The following EBF2 variants were observed in gnomAD, a reference collection of about 807,000 sequenced individuals.
EBF2 encodes the protein EBF transcription factor 2, also known as transcription factor COE2.
EBF2 carries 21 observed loss-of-function variants against 72.8 expected under a neutral mutation model. That is an observed-to-expected ratio of 0.29 (90% CI 0.20 to 0.42). EBF2 has a LOEUF of 0.42. Ranked by LOEUF, EBF2 falls within the 10% of genes least tolerant of loss-of-function variation. The probability of loss-of-function intolerance (pLI) is 1.00; values close to 1 mark genes in which losing one functional copy is unlikely to be tolerated. For missense variants in EBF2, 637 were observed against 731.2 expected, an observed-to-expected ratio of 0.87 and a Z score of 1.49; for synonymous variants, 299 against 274.2, an observed-to-expected ratio of 1.09 and a Z score of -0.89.
At chr8:25,938,695 C>A (rs1168277589) in intron 6 of EBF2, among the ~76,000 whole-genome samples, 1 of 152,078 alleles carries the variant, frequency 6.6e-6, no homozygotes, top group Non-Finnish European at 1.5e-5. Context: ...ATACTCTGCT[C>A]AGGGATGCAG....
intron 6 of EBF2, among the ~76,000 whole-genome samples, chr8:25,910,891 G>T (rs1412973840): frequency 6.6e-6 from 1 of 152,104 alleles, no homozygotes; most frequent in Non-Finnish European, 1.5e-5. Context: ...TCTAAAAGAA[G>T]GTATTGCTAC....
At chr8:26,011,556 C>CT (rs772902561) in intron 6 of EBF2, among the ~76,000 whole-genome samples, 86 of 151,994 alleles carry the variant, frequency 5.7e-4, no homozygotes, top group Non-Finnish European at 1.0e-3. Context: ...CAACCAGGAC[C>CT]ATGCCACAAT....
chr8:25,944,137 A>G (rs1042097458), intron 6 of EBF2, among the ~76,000 whole-genome samples: 13 of 152,212 alleles, frequency 8.5e-5, no homozygotes, highest in Non-Finnish European at 1.5e-4. Context: ...TTGGTACTCT[A>G]CGGAGATAAG....
chr8:25,943,193 G>C (rs565917711), intron 6 of EBF2, among the ~76,000 whole-genome samples: 4 of 151,832 alleles, frequency 2.6e-5, no homozygotes, highest in Admixed American at 6.6e-5. Flanking sequence ...AAGGCCAGGC[G>C]GGATGGCTCA....
chr8:25,979,392 C>A (rs1804322531), intron 6 of EBF2, among the ~76,000 whole-genome samples: 1 of 152,214 alleles, frequency 6.6e-6, no homozygotes, highest in South Asian at 2.1e-4. Context: ...TGTGTCATGC[C>A]ACACGGCATT....
intron 6 of EBF2, among the ~76,000 whole-genome samples, chr8:25,979,295 C>T (rs751940911): frequency 6.0e-4 from 91 of 152,364 alleles, no homozygotes; most frequent in Non-Finnish European, 1.1e-3. Flanking sequence ...GGGAACTGCA[C>T]GCTGGGCTAA....
At chr8:25,928,990 C>T (rs1050685284) in intron 6 of EBF2, among the ~76,000 whole-genome samples, 2 of 152,112 alleles carry the variant, frequency 1.3e-5, no homozygotes, top group South Asian at 2.1e-4. Flanking sequence ...AGTGAGATGC[C>T]TCTATCTCCA....
intron 6 of EBF2, among the ~76,000 whole-genome samples, chr8:25,983,685 C>T (rs957261353): frequency 6.6e-6 from 1 of 152,230 alleles, no homozygotes; most frequent in Admixed American, 6.5e-5. Flanking sequence ...CAGCACAACC[C>T]CGGGCTCTAG....
intron 14 of EBF2, among the ~76,000 whole-genome samples, chr8:25,851,979 A>T (rs1048212126): frequency 9.9e-5 from 15 of 152,208 alleles, no homozygotes; most frequent in Non-Finnish European, 5.9e-5. Context: ...CATACTTCCC[A>T]TATGATGTCT....
chr8:25,845,976 T>G (rs1415671609), intron 15 of EBF2, among the ~76,000 whole-genome samples: 1 of 152,184 alleles, frequency 6.6e-6, no homozygotes, highest in African/African-American at 2.4e-5. Flanking sequence ...TCTCTGCCCC[T>G]TTTTTCCACA....
chr8:25,848,029 TAAAA>T (rs896604415), intron 15 of EBF2, among the ~76,000 whole-genome samples: 1 of 151,268 alleles, frequency 6.6e-6, no homozygotes, highest in South Asian at 2.1e-4. Context: ...AATTTTCTTT[TAAAA>T]AAAAACCTAT....
In EBF2 at chr8:25,861,178, C is replaced by A; in HGVS notation, c.1213G>T (p.Val405Phe). The A allele has an allele frequency of 1.1e-5, 18 of 1,613,908 alleles. No homozygotes were observed. Among genetic ancestry groups the A allele is most frequent in the Non-Finnish European group, 1.5e-5 (18 of 1,179,928 alleles). Residue 405 changes from valine to phenylalanine, a missense_variant, in exon 13 of 16, where the codon GTC becomes TTC. Coordinates refer to ENST00000520164, the MANE Select transcript of EBF2 (RefSeq NM_022659.4). ...AADIAEALYS[V>F]PRNPSQLPAL... is the part of the protein sequence containing the mutation. ...GGAAGCTGGCTGGGATTCCTGGGGA[C>A]GCTGTAGAGAGCTTCAGCAATGTCT... is the stretch of plus-strand genomic sequence containing the variant.
At chr8:25,865,570 A>G (rs975243139) in intron 10 of EBF2, among the ~76,000 whole-genome samples, 15 of 152,142 alleles carry the variant, frequency 9.9e-5, no homozygotes, top group Admixed American at 9.8e-4. Context: ...TGTCCTCAGC[A>G]CGGTGCTTGG....
rs574971522 is a variant in EBF2, at chr8:25,991,112, A to G, written c.551+41973T>C. Among the ~76,000 whole-genome samples the G allele has an allele frequency of 2.7e-5, 4 of 147,622 alleles. No individual in the cohort carries two copies. The South Asian group carries it at 6.4e-4, about 24-fold the overall frequency. ...TGCAAAACTCGAGTAGTGTGAAAAAAATAAAAAAAAAGGAGATGCTGTTTC... is the reference window on the plus strand; with the variant it reads ...TGCAAAACTCGAGTAGTGTGAAAAAGATAAAAAAAAAGGAGATGCTGTTTC... On this transcript the variant is annotated intron_variant, in intron 6 of 15. Transcript: ENST00000520164.
chr8:26,021,683 G>A (rs1297033027), intron 6 of EBF2, among the ~76,000 whole-genome samples: 1 of 152,082 alleles, frequency 6.6e-6, no homozygotes, highest in African/African-American at 2.4e-5. Context: ...AATTTAACTT[G>A]GATATACATA....
chr8:25,991,578 G>A (rs1804545710), intron 6 of EBF2, among the ~76,000 whole-genome samples: 1 of 152,194 alleles, frequency 6.6e-6, no homozygotes, highest in African/African-American at 2.4e-5. Flanking sequence ...GGGTGCAGTG[G>A]CTCATGCCTG....
intron 7 of EBF2, among the ~76,000 whole-genome samples, chr8:25,897,273 A>T (rs920773752): frequency 6.6e-6 from 1 of 152,188 alleles, no homozygotes; most frequent in Admixed American, 6.5e-5. Context: ...GATATACTTG[A>T]TGACAAGAAT....
At chr8:26,034,479 T>A (rs2117259292) in intron 5 of EBF2, among the ~76,000 whole-genome samples, 1 of 152,270 alleles carries the variant, frequency 6.6e-6, no homozygotes, top group South Asian at 2.1e-4. Context: ...AAACAGAAAG[T>A]ACTCCCTAGG....
chr8:26,033,265 A>G, intron 5 of EBF2, 112 bp from the exon 6 acceptor site: 2 of 1,011,526 alleles, frequency 2.0e-6, no homozygotes, highest in Non-Finnish European at 3.0e-6. Context: ...CTCTGTCACC[A>G]GGCTGTAGTA....
Sources: allele counts gnomAD v4.1 joint callset (sites outside exome capture counted in the v4.1 genomes callset), GRCh38; gene constraint gnomAD v4.1.1; transcripts MANE v1.5; gene names NCBI Gene and HGNC (gene_info 2026-07-23, HGNC 2026-07-21).